Variants in SLC8A1 observed in about 807,000 individuals in gnomAD.
The protein encoded by SLC8A1 is sodium/calcium exchanger 1.
SLC8A1 carries 18 observed loss-of-function variants against 68.3 expected under a neutral mutation model. That is an observed-to-expected ratio of 0.26 (90% confidence interval 0.18 to 0.39). SLC8A1 has a LOEUF of 0.39. Ranked by LOEUF, SLC8A1 falls within the 10% of genes least tolerant of loss-of-function variation. The pLI, the probability that SLC8A1 is intolerant of heterozygous loss-of-function variation, is 1.00. For synonymous variants in SLC8A1, 475 were observed against 415.5 expected (o/e 1.14, Z -1.74); for missense variants, 985 against 1,156.7 (o/e 0.85, Z 2.15).
intron 2 of SLC8A1, among the ~76,000 whole-genome samples, chr2:40,424,641 C>T (rs1206515344): frequency 1.3e-5 from 2 of 151,830 alleles, no homozygotes; most frequent in Middle Eastern, 3.4e-3. Context: ...TGGGTAGGCC[C>T]GTTGTTTAAT....
chr2:40,397,560 A>C (rs927026944), intron 2 of SLC8A1, among the ~76,000 whole-genome samples: 4 of 152,204 alleles, frequency 2.6e-5, no homozygotes, highest in African/African-American at 9.7e-5. Flanking sequence ...TGTTATCATT[A>C]CTATGTATCC....
chr2:40,305,581 T>C (rs1185691265), intron 2 of SLC8A1, among the ~76,000 whole-genome samples: 3 of 152,194 alleles, frequency 2.0e-5, no homozygotes, highest in Non-Finnish European at 4.4e-5. Context: ...GATAAGCATT[T>C]GACACAGTGT....
intron 2 of SLC8A1, among the ~76,000 whole-genome samples, chr2:40,419,467 C>T (rs904291718): frequency 6.6e-6 from 1 of 151,996 alleles, no homozygotes; most frequent in Non-Finnish European, 1.5e-5. Flanking sequence ...CTCTGTCTGT[C>T]TCCTTTCTCT....
chr2:40,235,030 T>C (rs1402703986), intron 2 of SLC8A1, among the ~76,000 whole-genome samples: 2 of 152,206 alleles, frequency 1.3e-5, no homozygotes, highest in South Asian at 2.1e-4. Context: ...TTTTCATCAA[T>C]GTTCATCAAG....
intron 2 of SLC8A1, among the ~76,000 whole-genome samples, chr2:40,425,709 A>T (rs551212767): frequency 6.6e-6 from 1 of 151,854 alleles, no homozygotes; most frequent in East Asian, 1.9e-4. Context: ...GTTGGGTTTA[A>T]TCTACATAGT....
intron 2 of SLC8A1, among the ~76,000 whole-genome samples, chr2:40,379,132 A>T (rs1226021497): frequency 1.3e-5 from 2 of 152,130 alleles, no homozygotes; most frequent in African/African-American, 4.8e-5. Context: ...GCAAATACCT[A>T]AAATCCCCAT....
chr2:40,112,347 CCA>C (rs1491300933), exon 8 of SLC8A1: 1 of 144,928 alleles, frequency 6.9e-6, no homozygotes, highest in African/African-American at 2.5e-5. Context: ...CGCCCCCCCC[CCA>C]AGCTGTGCAC....
intron 1 of SLC8A1, among the ~76,000 whole-genome samples, chr2:40,460,691 C>T (rs1390486905): frequency 1.3e-5 from 2 of 152,006 alleles, no homozygotes; most frequent in Non-Finnish European, 2.9e-5. Context: ...CTGCCCCAGC[C>T]TCCCCGAGTA....
chr2:40,142,761 G>T (rs2041814267), intron 6 of SLC8A1, among the ~76,000 whole-genome samples: 1 of 152,102 alleles, frequency 6.6e-6, no homozygotes, highest in Admixed American at 6.6e-5. Flanking sequence ...ATATTTCAAG[G>T]TAATGATTAT....
chr2:40,154,265 G>A (rs1441643657), intron 6 of SLC8A1, among the ~76,000 whole-genome samples: 2 of 150,632 alleles, frequency 1.3e-5, no homozygotes, highest in Non-Finnish European at 3.0e-5. Flanking sequence ...TAAACAAAAA[G>A]TGGGCCACAA....
chr2:40,206,560 A>T (rs113332603), intron 2 of SLC8A1, among the ~76,000 whole-genome samples: 54 of 152,202 alleles, frequency 3.5e-4, no homozygotes, highest in Admixed American at 1.0e-3. Flanking sequence ...AGGCTGCAGA[A>T]ATTCAGGGAA....
intron 2 of SLC8A1, among the ~76,000 whole-genome samples, chr2:40,412,321 G>A (rs1036763615): frequency 6.6e-6 from 1 of 152,120 alleles, no homozygotes; most frequent in African/African-American, 2.4e-5. Flanking sequence ...TAGTTTTCAT[G>A]AATGTGTTAC....
intron 2 of SLC8A1, among the ~76,000 whole-genome samples, chr2:40,344,983 C>T (rs1668799817): frequency 6.6e-6 from 1 of 150,716 alleles, no homozygotes. Context: ...TGGGAATCAT[C>T]TTCCGTATTT....
chr2:40,273,091 C>T (rs59725135), intron 2 of SLC8A1, among the ~76,000 whole-genome samples: 2,932 of 151,998 alleles, frequency 0.019, 108 homozygotes, highest in African/African-American at 0.067. Context: ...TACAGGCGCG[C>T]GCCACCAAGT....
intron 6 of SLC8A1, among the ~76,000 whole-genome samples, chr2:40,146,252 G>A (rs1182562957): frequency 6.6e-6 from 1 of 152,178 alleles, no homozygotes; most frequent in African/African-American, 2.4e-5. Flanking sequence ...GGGTTTTGCA[G>A]TGTGCCAAGT....
intron 6 of SLC8A1, among the ~76,000 whole-genome samples, chr2:40,140,444 G>A (rs142834361): frequency 6.6e-6 from 1 of 152,160 alleles, no homozygotes; most frequent in Non-Finnish European, 1.5e-5. Context: ...CTCCTTCTCA[G>A]AGGAGCTTCC....
At chr2:40,434,867 G>A (rs1241219709) in intron 1 of SLC8A1, among the ~76,000 whole-genome samples, 2 of 152,148 alleles carry the variant, frequency 1.3e-5, no homozygotes, top group Non-Finnish European at 2.9e-5. Context: ...TGTGTCGGAG[G>A]AAGAGGTCAC....
At chr2:40,153,722 G>A (rs1400164813) in intron 6 of SLC8A1, among the ~76,000 whole-genome samples, 1 of 152,156 alleles carries the variant, frequency 6.6e-6, no homozygotes, top group Non-Finnish European at 1.5e-5. Flanking sequence ...CATAAGACCT[G>A]ACACAATTTC....
At chr2:40,212,317 G>A (rs1002927923) in intron 2 of SLC8A1, among the ~76,000 whole-genome samples, 7 of 117,212 alleles carry the variant, frequency 6.0e-5, no homozygotes, top group Non-Finnish European at 1.2e-4. Flanking sequence ...GACAAGTCTC[G>A]CTTTGTCGAC....
Sources: gnomAD v4.1 joint callset for allele counts (sites outside exome capture counted in the v4.1 genomes callset) on GRCh38, gnomAD v4.1.1 for gene constraint, MANE v1.5 for transcripts, NCBI Gene and HGNC (gene_info 2026-07-23, HGNC 2026-07-21) for gene names.